The following TANC1 variants were observed in gnomAD, a reference collection of about 807,000 sequenced individuals.
TANC1 encodes the protein protein TANC1.
Under a neutral mutation model 149.7 loss-of-function variants are expected in TANC1, and 77 were observed. That is an observed-to-expected ratio of 0.51 (90% confidence interval 0.43 to 0.62). TANC1 has a LOEUF of 0.62. Ranked by LOEUF, TANC1 falls within the 20% of genes least tolerant of loss-of-function variation. TANC1 has a pLI of 0.00. For missense variants in TANC1, 1,985 were observed against 2,321.8 expected (o/e 0.85, Z 2.98); for synonymous variants, 854 against 925.0 (o/e 0.92, Z 1.39).
chr2:159,199,769 G>A (rs1311489724), intron 19 of TANC1, among the ~76,000 whole-genome samples: 2 of 152,252 alleles, frequency 1.3e-5, no homozygotes, highest in African/African-American at 4.8e-5. Context: ...GTTTCTGTGT[G>A]TGTACCTGGT....
At position 159,232,014 on chromosome 2, in the gene TANC1, C is replaced by G. The variant is rs1202642254; in HGVS notation, c.*1002C>G. On this transcript the variant is annotated 3_prime_UTR_variant, in exon 27 of 27. Coordinates refer to ENST00000263635, the MANE Select transcript of TANC1 (RefSeq NM_033394.3). ...ATAGAACTATTTCAATGTAGTTAAT[C>G]TAAAAACAAAAAAGAAAACCCCAGT... 6.6e-6 allele frequency: 1 copy of G among 152,508 alleles called. No individual in the cohort carries two copies. Among genetic ancestry groups the G allele is most frequent in the Non-Finnish European group, 1.5e-5 (1 of 68,016 alleles). 9.4% of individuals were successfully genotyped at this position (152,508 alleles called of 1,614,324 possible).
chr2:158,978,414 T>A (rs2033934875), intron 1 of TANC1, among the ~76,000 whole-genome samples: 1 of 152,230 alleles, frequency 6.6e-6, no homozygotes, highest in South Asian at 2.1e-4. Context: ...TCATGCATGT[T>A]ATTTACAGTG....
chr2:159,104,679 T>C (rs962369666), intron 4 of TANC1, among the ~76,000 whole-genome samples: 1 of 94,458 alleles, frequency 1.1e-5, no homozygotes, highest in African/African-American at 3.0e-5. Flanking sequence ...CTCAAGTAGC[T>C]GGGACCACAG....
At chr2:159,123,328 A>AC (rs1479794909) in intron 4 of TANC1, among the ~76,000 whole-genome samples, 1 of 152,054 alleles carries the variant, frequency 6.6e-6, no homozygotes, top group Non-Finnish European at 1.5e-5. Context: ...GATAGTCTTG[A>AC]CCTGGTCACT....
At chr2:159,044,001 TACTC>T (rs2040854040) in intron 2 of TANC1, among the ~76,000 whole-genome samples, 1 of 152,208 alleles carries the variant, frequency 6.6e-6, no homozygotes, top group Non-Finnish European at 1.5e-5. Context: ...CCTGTTAACT[TACTC>T]TGAGTTGTCA....
intron 4 of TANC1, among the ~76,000 whole-genome samples, chr2:159,116,612 C>G (rs1228618991): frequency 2.6e-5 from 4 of 152,152 alleles, no homozygotes; most frequent in African/African-American, 9.7e-5. Context: ...ACTCTGCCAT[C>G]GTAGTACAGA....
At chr2:159,122,250 T>C (rs1344916702) in intron 4 of TANC1, among the ~76,000 whole-genome samples, 1 of 152,152 alleles carries the variant, frequency 6.6e-6, no homozygotes, top group Non-Finnish European at 1.5e-5. Flanking sequence ...TTTTTTAAAA[T>C]AGTGAAAAAT....
chr2:159,153,687 G>T (rs1444174600), intron 7 of TANC1, among the ~76,000 whole-genome samples: 2 of 152,212 alleles, frequency 1.3e-5, no homozygotes, highest in African/African-American at 4.8e-5. Flanking sequence ...ACAGAAAGGG[G>T]AAGAGCTTCC....
intron 1 of TANC1, among the ~76,000 whole-genome samples, chr2:158,997,211 C>T (rs1163600993): frequency 5.3e-5 from 8 of 152,250 alleles, no homozygotes; most frequent in East Asian, 1.9e-4. Context: ...ACAGTTCCAA[C>T]GCTGCTTTAT....
intron 22 of TANC1, among the ~76,000 whole-genome samples, chr2:159,220,198 T>C (rs983083651): frequency 5.9e-5 from 9 of 152,130 alleles, no homozygotes; most frequent in African/African-American, 2.2e-4. Context: ...GTCATCCATA[T>C]AAATAAAACT....
intron 7 of TANC1, among the ~76,000 whole-genome samples, chr2:159,158,629 A>G (rs4665027): frequency 0.12 from 17,817 of 152,210 alleles, 1,543 homozygotes; most frequent in East Asian, 0.46. Flanking sequence ...TTCCTTTTCC[A>G]TGAAGGTATG....
intron 15 of TANC1, among the ~76,000 whole-genome samples, chr2:159,186,132 T>G (rs2056951930): frequency 6.6e-6 from 1 of 152,248 alleles, no homozygotes; most frequent in Non-Finnish European, 1.5e-5. Flanking sequence ...AGTGCTGTGC[T>G]TAAGTTTTAC....
intron 4 of TANC1, 144 bp from the exon 5 acceptor site, chr2:159,136,050 G>GTGTGCA: frequency 9.6e-6 from 2 of 208,220 alleles, no homozygotes; most frequent in East Asian, 2.3e-4. Flanking sequence ...GTGTGTGTGT[G>GTGTGCA]CGCGCGCGCG....
chr2:159,013,241 A>G (rs1339933280), intron 2 of TANC1, among the ~76,000 whole-genome samples: 1 of 152,158 alleles, frequency 6.6e-6, no homozygotes, highest in East Asian at 1.9e-4. Flanking sequence ...TTGAAGGCAT[A>G]TTGTATTATG....
chr2:159,024,933 C>G (rs1228620503), intron 2 of TANC1, among the ~76,000 whole-genome samples: 2 of 152,128 alleles, frequency 1.3e-5, no homozygotes, highest in Non-Finnish European at 2.9e-5. Context: ...GCATATAGCC[C>G]AGGCTTGTGG....
At chr2:159,033,078 T>G (rs2039910048) in intron 2 of TANC1, among the ~76,000 whole-genome samples, 1 of 152,180 alleles carries the variant, frequency 6.6e-6, no homozygotes, top group Admixed American at 6.5e-5. Flanking sequence ...CTAAATATAC[T>G]GAGCCCTGCA....
intron 19 of TANC1, among the ~76,000 whole-genome samples, chr2:159,211,971 A>G (rs1238845587): frequency 6.6e-6 from 1 of 152,238 alleles, no homozygotes; most frequent in Non-Finnish European, 1.5e-5. Context: ...GCCCCTTGTC[A>G]GTTGCTCCAA....
intron 14 of TANC1, among the ~76,000 whole-genome samples, chr2:159,181,302 CTTT>C (rs755312956): frequency 7.1e-6 from 1 of 140,470 alleles, no homozygotes; most frequent in Non-Finnish European, 1.6e-5. Context: ...GATTTTTTTG[CTTT>C]TTTTTTTTTT....
At position 159,169,274 on chromosome 2, in the gene TANC1, A is replaced by T; in HGVS notation, c.971A>T (p.Asp324Val). 1 of 1,613,872 alleles carries T rather than the reference A, an allele frequency of 6.2e-7. No homozygotes were observed. The highest frequency in any genetic ancestry group is 8.5e-7 in the Non-Finnish European group (1 of 1,179,764). The change falls in exon 9 of 27, where the codon GAT becomes GTT. Residue 324 changes from aspartate to valine, a missense_variant. This residue lies in a region of TANC1 where 557 missense variants were observed against 612.9 expected (regional missense o/e 0.91). Transcript: ENST00000263635. Reference protein sequence around the residue: ...VAATSSTKLEDLSYLDGQRNA... With the variant: ...VAATSSTKLEVLSYLDGQRNA... ...GCAACAAGCTCAACCAAATTGGAAG[A>T]TCTGAGTTATTTAGACGGGCAGAGA...
Sources: allele counts gnomAD v4.1 joint callset (sites outside exome capture counted in the v4.1 genomes callset), GRCh38; gene constraint gnomAD v4.1.1; regional missense constraint gnomAD v4.1.1; transcripts MANE v1.5; gene names NCBI Gene and HGNC (gene_info 2026-07-23, HGNC 2026-07-21).